ALDOA: variants seen among roughly 807,000 people sequenced by gnomAD.
ALDOA encodes fructose-bisphosphate aldolase A.
ALDOA carries 26 observed loss-of-function variants against 43.9 expected under a neutral mutation model. The observed-to-expected ratio is 0.59, with a 90% confidence interval of 0.43 to 0.82. The LOEUF (loss-of-function observed/expected upper bound fraction) is 0.82. Among genes scored for constraint, ALDOA ranks in the 40% least tolerant of loss-of-function variants. The probability of loss-of-function intolerance (pLI) is 0.00; values close to 1 mark genes in which losing one functional copy is unlikely to be tolerated. For missense variants in ALDOA, 498 were observed against 549.5 expected, an observed-to-expected ratio of 0.91 and a Z score of 0.94; for synonymous variants, 258 against 222.6, an observed-to-expected ratio of 1.16 and a Z score of -1.42.
intron 2 of ALDOA, 35 bp from the exon 3 acceptor site, chr16:30,067,199 C>T: frequency 6.2e-7 from 1 of 1,611,822 alleles, no homozygotes; most frequent in Non-Finnish European, 8.5e-7. Flanking sequence ...GAAACCCTAG[C>T]TAACTAGTCC....
At chr16:30,066,342 T>A (rs1184251971) in intron 1 of ALDOA, 1 of 152,520 alleles carries the variant, frequency 6.6e-6, no homozygotes, top group African/African-American at 2.4e-5. Context: ...GGGAAACCCC[T>A]CCGCGGTGCT....
chr16:30,070,027 C>T lies in ALDOA; in HGVS notation c.1159C>T (p.Leu387=), dbSNP rs779998693. Residue 387 remains leucine (L), a splice_region_variant and synonymous_variant, in exon 9 of 10, where the codon CTG becomes TTG. Transcript: ENST00000642816. ...AAQEEYVKRA[L]ANSLACQGKY... ...GCAGGAGGAGTATGTCAAGCGAGCCCTGGTAAGGATAGGCAGGAGGTGGGC... is the reference window on the plus strand; with the variant it reads ...GCAGGAGGAGTATGTCAAGCGAGCCTTGGTAAGGATAGGCAGGAGGTGGGC... The T allele has an allele frequency of 1.2e-6, 2 of 1,613,792 alleles. No homozygotes were observed. The highest frequency in any genetic ancestry group is 1.1e-5 in the South Asian group (1 of 91,086).
At position 30,070,035 on chromosome 16, in the gene ALDOA, G is replaced by A. The variant is rs2072269014; in HGVS notation, c.1161+6G>A. On this transcript the variant is annotated splice_donor_region_variant and intron_variant, in intron 9 of 9. Coordinates refer to ENST00000642816, the MANE Select transcript of ALDOA (RefSeq NM_001243177.4). ...AGTATGTCAAGCGAGCCCTGGTAAG[G>A]ATAGGCAGGAGGTGGGCAGGGTGCC... The A allele has an allele frequency of 6.2e-7, 1 of 1,613,762 alleles. No homozygotes were observed.
At position 30,067,118 on chromosome 16, in the gene ALDOA, G is replaced by A; in HGVS notation, c.141+80G>A. On this transcript the variant is annotated intron_variant, in intron 2 of 9. Transcript: ENST00000642816. Reference sequence around the variant, plus strand: ...AGAAGTGCCCCAGGGCCTGCTGGGTGTGGGGCAGGGGAGGTAGGGAACATT... The same window carrying A: ...AGAAGTGCCCCAGGGCCTGCTGGGTATGGGGCAGGGGAGGTAGGGAACATT... 5.1e-6 allele frequency: 8 copies of A among 1,573,524 alleles called. No individual in the cohort carries two copies. In the South Asian group the frequency reaches 8.0e-5, roughly 16 times the overall value.
chr16:30,067,311 C>G lies in ALDOA; in HGVS notation c.219C>G (p.Ile73Met), dbSNP rs773402743. 4 of 1,613,136 alleles carry G rather than the reference C, an allele frequency of 2.5e-6. No individual in the cohort carries two copies. Among genetic ancestry groups the G allele is most frequent in the African/African-American group, 1.3e-5 (1 of 74,894 alleles). ...TPEQKKELSD[I>M]AHRIVAPGKG... ...AGCAGAAGAAGGAGCTGTCTGACAT[C>G]GCTCACCGCATCGTGGCACCTGGCA... is the stretch of plus-strand genomic sequence containing the variant. Residue 73 changes from isoleucine to methionine, a missense_variant, in exon 3 of 10, where the codon ATC becomes ATG. Transcript: ENST00000642816.
At position 30,067,015 on chromosome 16, in the gene ALDOA, C is replaced by T. The variant is rs2072133477; in HGVS notation, c.118C>T (p.Gln40Ter). The T allele has an allele frequency of 6.4e-7, 1 of 1,572,992 alleles. No homozygotes were observed. Among genetic ancestry groups the T allele is most frequent in the East Asian group, 2.4e-5 (1 of 42,314 alleles). Residue 40 changes from glutamine to a stop codon, truncating the protein, a stop_gained, in exon 2 of 10, where the codon CAG becomes TAG. Coordinates refer to ENST00000642816, the MANE Select transcript of ALDOA (RefSeq NM_001243177.4). LOFTEE classifies it high-confidence loss of function. Reference protein sequence around the residue: ...GQLHPQLGNTQHQTELGKELA... With the variant: ...GQLHPQLGNT ...ACTCCACCCTCAGCTGGGCAACACC[C>T]AGCACCAGACAGAGTTAGGAAAGGT... is the stretch of plus-strand genomic sequence containing the variant.
At position 30,070,104 on chromosome 16, in the gene ALDOA, T is replaced by C. The variant is rs752601988; in HGVS notation, c.1162-13T>C. ...AGAAGAGCCCTTCTCACTCCACCCC[T>C]CTCCCTGCTTAGGCCAACAGCCTTG... On this transcript the variant is annotated splice_polypyrimidine_tract_variant and intron_variant, in intron 9 of 9. Coordinates refer to ENST00000642816, the MANE Select transcript of ALDOA (RefSeq NM_001243177.4). 3.1e-6 allele frequency: 5 copies of C among 1,613,836 alleles called. No individual in the cohort carries two copies. Among genetic ancestry groups the C allele is most frequent in the Non-Finnish European group, 4.2e-6 (5 of 1,179,986 alleles).
upstream of ALDOA, among the ~76,000 whole-genome samples, chr16:30,065,133 T>A (rs1221171976): frequency 6.6e-6 from 1 of 152,148 alleles, no homozygotes; most frequent in Non-Finnish European, 1.5e-5. Context: ...AGCCTGGAAC[T>A]CGGATGGGGA....
chr16:30,069,240 G>A lies in ALDOA; in HGVS notation c.703-66G>A, dbSNP rs573162475. 17 of 1,546,376 alleles carry A rather than the reference G, an allele frequency of 1.1e-5. No homozygotes were observed. In the Admixed American group the frequency reaches 1.2e-4, roughly 11 times the overall value. ...CAAGATACGGTCTTGACCAGTGGCT[G>A]TGGAGAGATGTAGGTGGGACTCTGG... On this transcript the variant is annotated intron_variant, in intron 6 of 9. Coordinates refer to ENST00000642816, the MANE Select transcript of ALDOA (RefSeq NM_001243177.4).
chr16:30,067,154 C>T (rs1286212633), intron 2 of ALDOA, 80 bp from the exon 3 acceptor site: 11 of 1,598,806 alleles, frequency 6.9e-6, no homozygotes, highest in Non-Finnish European at 9.4e-6. Context: ...TCCCTGACCT[C>T]CAGGAGAGGG....
At position 30,070,309 on chromosome 16, in the gene ALDOA, C is replaced by T; in HGVS notation, c.*97C>T. 1 of 1,213,720 alleles carries T rather than the reference C, an allele frequency of 8.2e-7. No individual in the cohort carries two copies. The highest frequency in any genetic ancestry group is 1.2e-5 in the South Asian group (1 of 81,300). The allele number at this position is 1,213,720 out of a possible 1,614,324, so 75.2% of individuals were successfully genotyped here. A position where few individuals can be genotyped will look rare whatever the true frequency, so the allele number is the denominator to read the frequency against. On this transcript the variant is annotated 3_prime_UTR_variant, in exon 10 of 10. Transcript: ENST00000642816. ...TCCTCGGGGCTCCAGGCTGGCTTGC[C>T]CGCGCTCTTTCTTCCCTCGTGACAG...
chr16:30,067,143 T>C (rs1405922651), intron 2 of ALDOA, 91 bp from the exon 3 acceptor site: 5 of 1,589,242 alleles, frequency 3.1e-6, no homozygotes, highest in South Asian at 1.1e-5. Flanking sequence ...TAGGGAACAT[T>C]TCCCTGACCT....
chr16:30,066,156 G>A (rs2072094568), intron 1 of ALDOA: 2 of 152,530 alleles, frequency 1.3e-5, no homozygotes, highest in Middle Eastern at 6.8e-3. Context: ...CGAGATGAAG[G>A]ACCATTCTCC....
chr16:30,068,746 G>T, intron 5 of ALDOA, 46 bp downstream of exon 5: 1 of 1,614,194 alleles, frequency 6.2e-7, no homozygotes, highest in Non-Finnish European at 8.5e-7. Flanking sequence ...ACCAGAGCAG[G>T]TTTGGGTGCT....
Position 30,068,991 on chromosome 16 carries a change from G to T in ALDOA, c.702+13G>T, listed in dbSNP as rs2072220346. On this transcript the variant is annotated intron_variant, in intron 6 of 9. Transcript: ENST00000642816. ...TATCTGCCAGCAGGTGGGCCTGCAG[G>T]TCCTCAATAGGCAACCTCCTACCTC... 1 of 1,614,200 alleles carries T rather than the reference G, an allele frequency of 6.2e-7. No homozygotes were observed. The highest frequency in any genetic ancestry group is 2.2e-5 in the East Asian group (1 of 44,894).
At position 30,070,357 on chromosome 16, in the gene ALDOA, A is replaced by G; in HGVS notation, c.*145A>G. 1 of 740,044 alleles carries G rather than the reference A, an allele frequency of 1.4e-6. No homozygotes were observed. The highest frequency in any genetic ancestry group is 2.3e-6 in the Non-Finnish European group (1 of 426,346). The allele number at this position is 740,044 out of a possible 1,614,324, so 45.8% of individuals were successfully genotyped here. ...CAGTGGTGTGTGGTGTCGTCTGTGA[A>G]TGCTAAGTCCATCACCCTTTCCGGC... On this transcript the variant is annotated 3_prime_UTR_variant, in exon 10 of 10. Coordinates refer to ENST00000642816, the MANE Select transcript of ALDOA (RefSeq NM_001243177.4).
chr16:30,067,429 AT>A lies in ALDOA; in HGVS notation c.275-19del. The stretch of plus-strand genomic sequence containing the variant: ...TTGGGAGTGGCAGGCTGATCCCCTA[AT>A]TCCCATGTGACACTCCCAGGGAGCA... On this transcript the variant is annotated intron_variant, in intron 3 of 9. Coordinates refer to ENST00000642816, the MANE Select transcript of ALDOA (RefSeq NM_001243177.4). 1 of 1,613,404 alleles carries A rather than the reference AT, an allele frequency of 6.2e-7. No individual in the cohort carries two copies. Among genetic ancestry groups the A allele is most frequent in the Non-Finnish European group, 8.5e-7 (1 of 1,179,900 alleles).
At position 30,069,459 on chromosome 16, in the gene ALDOA, C is replaced by T. The variant is rs11860935; in HGVS notation, c.787-40C>T. ...ACCCTGGGGCTAACCCCTATCCTCT[C>T]CTCCACCCCACTACCCACCGTGCGC... On this transcript the variant is annotated intron_variant, in intron 7 of 9. Coordinates refer to ENST00000642816, the MANE Select transcript of ALDOA (RefSeq NM_001243177.4). The T allele has an allele frequency of 0.066, 106,232 of 1,613,930 alleles. 4,177 individuals are homozygous for T. The highest frequency in any genetic ancestry group is 0.15 in the African/African-American group (11,263 of 74,940).
upstream of ALDOA, chr16:30,064,439 T>C: frequency 5.0e-6 from 2 of 398,636 alleles, no homozygotes; most frequent in Non-Finnish European, 8.8e-6. Flanking sequence ...TGGCCAAAGA[T>C]TTATTTCTCT....
Sources: gnomAD v4.1 joint callset for allele counts (sites outside exome capture counted in the v4.1 genomes callset) on GRCh38, gnomAD v4.1.1 for gene constraint, MANE v1.5 for transcripts, NCBI Gene and HGNC (gene_info 2026-07-23, HGNC 2026-07-21) for gene names.